STAG1: variants seen among roughly 807,000 people sequenced by gnomAD.
STAG1 encodes cohesin subunit SA-1.
In STAG1, 26 loss-of-function variants were observed where a neutral mutation model predicts 170.9. The ratio of observed to expected loss-of-function variants is 0.15; its 90% CI spans 0.11 to 0.21. STAG1 has a LOEUF of 0.21. STAG1 is among the 10% of genes least tolerant of loss of function. STAG1 has a pLI of 1.00. For synonymous variants in STAG1, 514 were observed against 497.7 expected, an observed-to-expected ratio of 1.03 and a Z score of -0.44; for missense variants, 964 against 1,509.5, an observed-to-expected ratio of 0.64 and a Z score of 5.99.
intron 3 of STAG1, among the ~76,000 whole-genome samples, chr3:136,613,595 T>C (rs1939426663): frequency 6.6e-6 from 1 of 152,166 alleles, no homozygotes; most frequent in African/African-American, 2.4e-5. Context: ...CAGGTGATTC[T>C]TGTGCCTCAG....
chr3:136,496,662 T>A (rs1339728514), intron 9 of STAG1, among the ~76,000 whole-genome samples: 3 of 152,036 alleles, frequency 2.0e-5, no homozygotes, highest in Non-Finnish European at 4.4e-5. Flanking sequence ...CTTTAAAAAA[T>A]TTATAGGAGT....
At chr3:136,633,296 C>G (rs1940406493) in intron 1 of STAG1, among the ~76,000 whole-genome samples, 1 of 150,870 alleles carries the variant, frequency 6.6e-6, no homozygotes, top group Non-Finnish European at 1.5e-5. Flanking sequence ...AAAGAAAAAC[C>G]ATCAAAAAAG....
intron 22 of STAG1, among the ~76,000 whole-genome samples, chr3:136,385,364 T>C (rs1350548720): frequency 1.3e-5 from 2 of 152,098 alleles, no homozygotes; most frequent in East Asian, 3.9e-4. Context: ...CTCTTGAGCC[T>C]GGGAGATTGA....
At chr3:136,709,613 T>C (rs1028275461) in intron 1 of STAG1, among the ~76,000 whole-genome samples, 4 of 151,766 alleles carry the variant, frequency 2.6e-5, no homozygotes, top group Admixed American at 6.6e-5. Flanking sequence ...CATACACCCG[T>C]TGTCCCGGCT....
At chr3:136,727,036 C>T (rs1387893862) in intron 1 of STAG1, among the ~76,000 whole-genome samples, 1 of 152,138 alleles carries the variant, frequency 6.6e-6, no homozygotes, top group Non-Finnish European at 1.5e-5. Flanking sequence ...CTCAGAGATG[C>T]CTTTCCTGGC....
chr3:136,394,295 G>C (rs1336017087), intron 22 of STAG1, among the ~76,000 whole-genome samples: 1 of 152,118 alleles, frequency 6.6e-6, no homozygotes, highest in Non-Finnish European at 1.5e-5. Context: ...ATTATAGACA[G>C]AACTGATGTA....
intron 22 of STAG1, among the ~76,000 whole-genome samples, chr3:136,383,954 CAAA>C (rs71304276): frequency 3.4e-5 from 2 of 58,984 alleles, no homozygotes; most frequent in Non-Finnish European, 3.2e-5. Flanking sequence ...GACTCCGTCT[CAAA>C]AAAAAAAAAA....
intron 21 of STAG1, among the ~76,000 whole-genome samples, chr3:136,410,067 C>T (rs1373434731): frequency 2.5e-4 from 14 of 54,928 alleles, no homozygotes; most frequent in South Asian, 5.3e-4. Context: ...AAGTCCTTGT[C>T]TAAAAAAAAA....
chr3:136,690,557 A>G (rs1942687594), intron 1 of STAG1, among the ~76,000 whole-genome samples: 1 of 152,046 alleles, frequency 6.6e-6, no homozygotes, highest in Non-Finnish European at 1.5e-5. Context: ...TGTTCCTATA[A>G]CATTTTACAA....
intron 23 of STAG1, among the ~76,000 whole-genome samples, chr3:136,375,902 G>T (rs1937572280): frequency 6.6e-6 from 1 of 151,422 alleles, no homozygotes; most frequent in Admixed American, 6.6e-5. Context: ...TCAGGAGGTG[G>T]AGGTTGCAGT....
intron 4 of STAG1, among the ~76,000 whole-genome samples, chr3:136,588,439 C>G (rs1447609633): frequency 6.6e-6 from 1 of 152,074 alleles, no homozygotes; most frequent in Non-Finnish European, 1.5e-5. Context: ...CTCCCAGATT[C>G]AGGCAATCCT....
chr3:136,568,466 A>G (rs1937157699), intron 5 of STAG1, among the ~76,000 whole-genome samples: 1 of 152,182 alleles, frequency 6.6e-6, no homozygotes, highest in African/African-American at 2.4e-5. Context: ...TAATATGAGT[A>G]AAAATTATAA....
chr3:136,464,618 T>C (rs928404492), intron 13 of STAG1, among the ~76,000 whole-genome samples: 9 of 152,312 alleles, frequency 5.9e-5, no homozygotes, highest in Middle Eastern at 3.4e-3. Flanking sequence ...ATAAATTTCA[T>C]GCATTCCTCC....
At chr3:136,383,949 C>T (rs376296495) in intron 22 of STAG1, among the ~76,000 whole-genome samples, 12 of 132,494 alleles carry the variant, frequency 9.1e-5, no homozygotes, top group Non-Finnish European at 1.3e-4. Context: ...TGCAAGACTC[C>T]GTCTCAAAAA....
At chr3:136,462,716 T>C (rs1291795525) in intron 13 of STAG1, among the ~76,000 whole-genome samples, 1 of 152,212 alleles carries the variant, frequency 6.6e-6, no homozygotes, top group African/African-American at 2.4e-5. Context: ...AGGTGATGGA[T>C]ATCCCATTTA....
rs12486301 is a variant in STAG1, at chr3:136,538,518, A to G, written c.471+3601T>C. ...ACTGCAACCTCCACCTCCCAGATTC[A>G]AGCGATTCTCCTGCGTCAGCCACTC... On this transcript the variant is annotated intron_variant, in intron 6 of 33. Transcript: ENST00000383202. Among the ~76,000 whole-genome samples, 1,490 of 151,808 alleles carry G rather than the reference A, an allele frequency of 9.8e-3. 84 individuals carry two copies. Among genetic ancestry groups the G allele is most frequent in the Admixed American group, 0.082 (1,246 of 15,238 alleles).
intron 23 of STAG1, among the ~76,000 whole-genome samples, chr3:136,369,871 A>C (rs1232958137): frequency 6.6e-6 from 1 of 152,120 alleles, no homozygotes; most frequent in East Asian, 1.9e-4. Context: ...CCTATCACCT[A>C]GTGATGTAGT....
chr3:136,640,349 C>G (rs1168726917), intron 1 of STAG1, among the ~76,000 whole-genome samples: 1 of 151,624 alleles, frequency 6.6e-6, no homozygotes, highest in Non-Finnish European at 1.5e-5. Flanking sequence ...CTCAAAACTA[C>G]TGTTCCACCA....
chr3:136,665,522 G>A lies in STAG1; in HGVS notation c.-83-34541C>T, dbSNP rs182543736. ...AGGCCAGGCGCAGAGGCTCACACCT[G>A]TAATCCCAGCACTTTGGGAGGACGA... On this transcript the variant is annotated intron_variant, in intron 1 of 33. Transcript: ENST00000383202. Among the ~76,000 whole-genome samples the A allele has an allele frequency of 9.2e-5, 14 of 152,296 alleles. No homozygotes were observed. The East Asian group carries it at 2.7e-3, about 29-fold the overall frequency.
Sources: gnomAD v4.1 joint callset for allele counts (sites outside exome capture counted in the v4.1 genomes callset) on GRCh38, gnomAD v4.1.1 for gene constraint, MANE v1.5 for transcripts, NCBI Gene and HGNC (gene_info 2026-07-23, HGNC 2026-07-21) for gene names.